The following DCUN1D1 variants were observed in gnomAD, a reference collection of about 807,000 sequenced individuals.
The protein encoded by DCUN1D1 is DCN1-like protein 1.
Under a neutral mutation model 39.0 loss-of-function variants are expected in DCUN1D1, and 3 were observed. The observed-to-expected ratio is 0.08, with a 90% CI of 0.04 to 0.20. The LOEUF (loss-of-function observed/expected upper bound fraction) is 0.20. DCUN1D1 is among the 10% of genes least tolerant of loss of function. The pLI, the probability that DCUN1D1 is intolerant of heterozygous loss-of-function variation, is 1.00. For synonymous variants in DCUN1D1, 82 were observed against 96.3 expected (o/e 0.85, Z 0.87); for missense variants, 158 against 302.4 (o/e 0.52, Z 3.54).
chr3:182,980,462 CG>C (rs1728486838), intron 1 of DCUN1D1, 24 bp downstream of exon 1: 2 of 1,155,888 alleles, frequency 1.7e-6, no homozygotes, highest in Non-Finnish European at 2.2e-6. Flanking sequence ...GCCGGCAGGG[CG>C]GGCGGGCGGC....
intron 3 of DCUN1D1, 84 bp downstream of exon 3, chr3:182,963,797 T>A: frequency 8.4e-7 from 1 of 1,193,326 alleles, no homozygotes; most frequent in East Asian, 2.4e-5. Flanking sequence ...GGCCAGCAAA[T>A]CTTTAAATTT....
rs1726314272 is a variant in DCUN1D1 at position 182,944,862 on chromosome 3, T to C, written c.*232A>G. ...CACAGATATAAGATGAAATCCACAA[T>C]GTTGGAATTATAAATGTTTAGAGCG... is the stretch of plus-strand genomic sequence containing the variant. On this transcript the variant is annotated 3_prime_UTR_variant, in exon 7 of 7. Coordinates refer to ENST00000292782, the MANE Select transcript of DCUN1D1 (RefSeq NM_020640.4). The C allele has an allele frequency of 4.7e-6, 2 of 429,678 alleles. No individual in the cohort carries two copies. Among genetic ancestry groups the C allele is most frequent in the Non-Finnish European group, 8.3e-6 (2 of 239,828 alleles). The allele number at this position is 429,678 out of a possible 1,614,324, so 26.6% of individuals were successfully genotyped here.
rs200156183 is a variant in DCUN1D1 at position 182,962,396 on chromosome 3, C to G, written c.390-1040G>C. On this transcript the variant is annotated intron_variant, in intron 3 of 6. Transcript: ENST00000292782. Reference sequence around the variant, plus strand: ...GGTTCTACCAAGAGCCAATGAAAGGCTGGAAGAGGAAGAAGGAACTTTTCT... The same window carrying G: ...GGTTCTACCAAGAGCCAATGAAAGGGTGGAAGAGGAAGAAGGAACTTTTCT... 7.9e-5 allele frequency among the ~76,000 whole-genome samples: 12 copies of G among 152,348 alleles called. No homozygotes were observed. The East Asian group carries it at 2.1e-3, about 27-fold the overall frequency.
At chr3:182,959,891 T>C (rs1727294747) in intron 4 of DCUN1D1, among the ~76,000 whole-genome samples, 1 of 152,156 alleles carries the variant, frequency 6.6e-6, no homozygotes. Context: ...CCAGAGGGAA[T>C]GGATTAGTTC....
At chr3:182,961,386 T>C in intron 3 of DCUN1D1, 30 bp from the exon 4 acceptor site, 3 of 1,552,392 alleles carry the variant, frequency 1.9e-6, no homozygotes, top group Non-Finnish European at 1.7e-6. Context: ...TTATAAAAGA[T>C]TAACTGTTTC....
chr3:182,974,970 A>G (rs1728146078), intron 1 of DCUN1D1, among the ~76,000 whole-genome samples: 1 of 152,084 alleles, frequency 6.6e-6, no homozygotes, highest in South Asian at 2.1e-4. Context: ...TCTGTCCACA[A>G]AGCAACTGAA....
chr3:182,957,692 T>C (rs1202226861), intron 4 of DCUN1D1, among the ~76,000 whole-genome samples: 1 of 151,966 alleles, frequency 6.6e-6, no homozygotes, highest in African/African-American at 2.4e-5. Flanking sequence ...GGAAGCACCC[T>C]ATCCTGGTAT....
intron 1 of DCUN1D1, 138 bp downstream of exon 1, chr3:182,980,349 G>A (rs1308036567): frequency 5.0e-6 from 3 of 599,334 alleles, no homozygotes; most frequent in African/African-American, 2.0e-5. Context: ...GAGAGCCCCC[G>A]CCTGGGAGCG....
chr3:182,967,477 C>T (rs182484641), intron 1 of DCUN1D1, among the ~76,000 whole-genome samples: 1 of 152,284 alleles, frequency 6.6e-6, no homozygotes, highest in Non-Finnish European at 1.5e-5. Context: ...TGAAAACTAG[C>T]CCTATTTCCC....
chr3:182,967,140 A>G (rs1340349891), intron 1 of DCUN1D1, among the ~76,000 whole-genome samples: 2 of 63,810 alleles, frequency 3.1e-5, no homozygotes, highest in African/African-American at 6.1e-5. Flanking sequence ...ATATATATAT[A>G]TATATATATA....
chr3:182,947,197 G>A, intron 6 of DCUN1D1, 41 bp downstream of exon 6: 3 of 1,080,290 alleles, frequency 2.8e-6, no homozygotes, highest in East Asian at 2.5e-5. Flanking sequence ...GGGATAAAAA[G>A]GCACATTAAA....
chr3:182,976,869 T>C (rs571185917), intron 1 of DCUN1D1, among the ~76,000 whole-genome samples: 1 of 152,220 alleles, frequency 6.6e-6, no homozygotes, highest in African/African-American at 2.4e-5. Flanking sequence ...CCTCCTTTAT[T>C]TGTAGACATG....
chr3:182,983,770 A>C (rs1728639230), upstream of DCUN1D1, among the ~76,000 whole-genome samples: 2 of 152,094 alleles, frequency 1.3e-5, no homozygotes, highest in East Asian at 1.9e-4. Context: ...GAAACCTGAT[A>C]GTCTGGCTAT....
intron 1 of DCUN1D1, among the ~76,000 whole-genome samples, chr3:182,972,265 G>C (rs536066913): frequency 6.6e-6 from 1 of 151,414 alleles, no homozygotes; most frequent in South Asian, 2.1e-4. Flanking sequence ...CTTTTCCAAA[G>C]AGAAGGCTTG....
intron 4 of DCUN1D1, 25 bp from the exon 5 acceptor site, chr3:182,947,657 T>C (rs1313704866): frequency 3.9e-6 from 5 of 1,272,996 alleles, no homozygotes; most frequent in Non-Finnish European, 5.6e-6. Flanking sequence ...ATGAATTATG[T>C]ATTTAAATGC....
intron 4 of DCUN1D1, among the ~76,000 whole-genome samples, chr3:182,957,970 TG>T (rs1727177978): frequency 7.5e-6 from 1 of 133,298 alleles, no homozygotes; most frequent in Non-Finnish European, 1.6e-5. Flanking sequence ...AACAGAAACA[TG>T]GAATACACCA....
chr3:182,981,420 C>T (rs898637032), upstream of DCUN1D1, among the ~76,000 whole-genome samples: 10 of 152,190 alleles, frequency 6.6e-5, no homozygotes, highest in African/African-American at 2.4e-4. Flanking sequence ...CTGAGGAGCA[C>T]TAGGATTCTG....
At chr3:182,947,357 A>G (rs780057853) in intron 5 of DCUN1D1, 23 bp from the exon 6 acceptor site, 2 of 1,467,570 alleles carry the variant, frequency 1.4e-6, no homozygotes, top group African/African-American at 2.8e-5. Flanking sequence ...CAAAAACAAA[A>G]TACATTTGTA....
chr3:182,980,469 G>A lies in DCUN1D1; in HGVS notation c.3+18C>T, dbSNP rs752247787. 5.1e-6 allele frequency: 6 copies of A among 1,177,366 alleles called. No individual in the cohort carries two copies. The highest frequency in any genetic ancestry group is 4.6e-5 in the South Asian group (2 of 43,102). 72.9% of individuals were successfully genotyped at this position (1,177,366 alleles called of 1,614,324 possible). ...GGCCCCCAGCCGGCAGGGCGGGCGG[G>A]CGGCCGCAGTGCCTCACCATGTTGG... On this transcript the variant is annotated intron_variant, in intron 1 of 6. Transcript: ENST00000292782.
Sources: gnomAD v4.1 joint callset for allele counts (sites outside exome capture counted in the v4.1 genomes callset) on GRCh38, gnomAD v4.1.1 for gene constraint, MANE v1.5 for transcripts, NCBI Gene and HGNC (gene_info 2026-07-23, HGNC 2026-07-21) for gene names.